RAB11FIP1: variants seen among roughly 807,000 people sequenced by gnomAD.
The protein encoded by RAB11FIP1 is RAB11 family interacting protein 1.
A neutral mutation model predicts 83.1 loss-of-function variants in RAB11FIP1; 49 were observed. The observed-to-expected ratio is 0.59, with a 90% CI of 0.47 to 0.75. The LOEUF (loss-of-function observed/expected upper bound fraction) is 0.75. Among genes scored for constraint, RAB11FIP1 ranks in the 30% least tolerant of loss-of-function variants. The pLI is 0.00. For synonymous variants in RAB11FIP1, 670 were observed against 656.0 expected, an observed-to-expected ratio of 1.02 and a Z score of -0.33; for missense variants, 1,536 against 1,598.7, an observed-to-expected ratio of 0.96 and a Z score of 0.67.
At position 37,873,159 on chromosome 8, in the gene RAB11FIP1, G is replaced by C. The variant is rs560847102; in HGVS notation, c.1643C>G (p.Ala548Gly). 2 of 1,601,218 alleles carry C rather than the reference G, an allele frequency of 1.2e-6. No homozygotes were observed. The highest frequency in any genetic ancestry group is 1.7e-5 in the Admixed American group (1 of 58,960). Residue 548 changes from alanine to glycine, a missense_variant, in exon 4 of 6, where the codon GCG becomes GGG. By Grantham distance (60) the Ala-to-Gly change is moderately conservative. Transcript: ENST00000330843. ...VKPRLEVSPE[A>G]QPTARLPSPT... ...GGAAGGAAGCCTGGCTGTGGGTTGCGCCTCTGGAGACACTTCCAGTCTGCA... is the reference window on the plus strand; with the variant it reads ...GGAAGGAAGCCTGGCTGTGGGTTGCCCCTCTGGAGACACTTCCAGTCTGCA...
intron 1 of RAB11FIP1, among the ~76,000 whole-genome samples, chr8:37,894,929 TTG>T (rs1347181605): frequency 6.7e-6 from 1 of 149,802 alleles, no homozygotes; most frequent in Non-Finnish European, 1.5e-5. Context: ...AGCTAATTTT[TTG>T]TGTTTTTAGT....
At position 37,877,247 on chromosome 8, in the gene RAB11FIP1, A is replaced by G; in HGVS notation, c.676T>C (p.Leu226=). Residue 226 remains leucine, a synonymous_variant, in exon 2 of 6, where the codon TTG becomes CTG. Transcript: ENST00000330843. ...KIKTLLSKSN[L]QKTPLSQSMS... is the part of the protein sequence containing the mutation. ...GACTGGGAAAGAGGCGTCTTCTGCAAATTTGACTTGGAAAGTAAGGTCTTG... is the reference window on the plus strand; with the variant it reads ...GACTGGGAAAGAGGCGTCTTCTGCAGATTTGACTTGGAAAGTAAGGTCTTG... 1 of 1,614,136 alleles carries G rather than the reference A, an allele frequency of 6.2e-7. No homozygotes were observed. Among genetic ancestry groups the G allele is most frequent in the South Asian group, 1.1e-5 (1 of 91,078 alleles).
chr8:37,894,291 CGTT>C (rs1322031821), intron 1 of RAB11FIP1, among the ~76,000 whole-genome samples: 1 of 152,096 alleles, frequency 6.6e-6, no homozygotes, highest in East Asian at 1.9e-4. Context: ...TCATCTATGT[CGTT>C]TTTCTGCATC....
chr8:37,886,627 A>AT (rs1806840445), intron 1 of RAB11FIP1, among the ~76,000 whole-genome samples: 1 of 152,224 alleles, frequency 6.6e-6, no homozygotes, highest in African/African-American at 2.4e-5. Flanking sequence ...AGCATGAGTC[A>AT]TCTCCACGTT....
chr8:37,872,705 T>G lies in RAB11FIP1; in HGVS notation c.2097A>C (p.Thr699=). ...LEESLPEQPE[T]GRQEEELPRF... is the part of the protein sequence containing the mutation. ...TCGGAAGTTCTTCCTCTTGTCGCCCTGTTTCAGGCTGCTCTGGGAGAGACT... is the reference window on the plus strand; with the variant it reads ...TCGGAAGTTCTTCCTCTTGTCGCCCGGTTTCAGGCTGCTCTGGGAGAGACT... The change falls in exon 4 of 6, where the codon ACA becomes ACC. Residue 699 remains threonine, a synonymous_variant. Coordinates refer to ENST00000330843, the MANE Select transcript of RAB11FIP1 (RefSeq NM_001002814.3). The G allele has an allele frequency of 6.2e-7, 1 of 1,614,220 alleles. No individual in the cohort carries two copies. Among genetic ancestry groups the G allele is most frequent in the Non-Finnish European group, 8.5e-7 (1 of 1,180,018 alleles).
chr8:37,880,741 G>A (rs1176717887), intron 1 of RAB11FIP1, among the ~76,000 whole-genome samples: 1 of 146,028 alleles, frequency 6.8e-6, no homozygotes, highest in East Asian at 2.0e-4. Flanking sequence ...TCCAGCCTGC[G>A]CAACAGAGTG....
At chr8:37,878,642 G>C (rs918083180) in intron 1 of RAB11FIP1, among the ~76,000 whole-genome samples, 3 of 149,964 alleles carry the variant, frequency 2.0e-5, no homozygotes, top group Non-Finnish European at 4.4e-5. Flanking sequence ...TTGTAGTAAG[G>C]AATGGTCCCT....
rs1806224491 is a variant in RAB11FIP1 at position 37,861,152 on chromosome 8, T to A, written c.*1743A>T. 1 of 153,150 alleles carries A rather than the reference T, an allele frequency of 6.5e-6. No individual in the cohort carries two copies. Among genetic ancestry groups the A allele is most frequent in the Admixed American group, 6.5e-5 (1 of 15,400 alleles). The allele number at this position is 153,150 out of a possible 1,614,324, so 9.5% of individuals were successfully genotyped here. On this transcript the variant is annotated 3_prime_UTR_variant, in exon 6 of 6. Coordinates refer to ENST00000330843, the MANE Select transcript of RAB11FIP1 (RefSeq NM_001002814.3). ...ACAAAATTACCTGAAAAATCTCAGC[T>A]GGTGCTTTTAGCTAAGAAGGAAGCA...
At chr8:37,870,328 C>A in intron 5 of RAB11FIP1, 92 bp downstream of exon 5, 1 of 678,214 alleles carries the variant, frequency 1.5e-6, no homozygotes, top group Non-Finnish European at 2.6e-6. Context: ...CCTGGCACCA[C>A]CGGCTGCCCA....
chr8:37,878,558 C>T (rs1806668538), intron 1 of RAB11FIP1, among the ~76,000 whole-genome samples: 3 of 117,046 alleles, frequency 2.6e-5, no homozygotes, highest in African/African-American at 1.0e-4. Flanking sequence ...AAAAAAAAAG[C>T]AAAGATCATA....
chr8:37,897,014 A>T (rs1423737251), intron 1 of RAB11FIP1, among the ~76,000 whole-genome samples: 3 of 152,176 alleles, frequency 2.0e-5, no homozygotes, highest in Non-Finnish European at 4.4e-5. Context: ...AACAGCACCC[A>T]TTTGAAGCTG....
intron 5 of RAB11FIP1, 105 bp from the exon 6 acceptor site, chr8:37,863,218 G>A: frequency 2.5e-6 from 2 of 805,328 alleles, no homozygotes; most frequent in South Asian, 1.7e-5. Context: ...AGTGATCTGG[G>A]TCTCTTGGGA....
intron 1 of RAB11FIP1, among the ~76,000 whole-genome samples, chr8:37,898,364 A>T (rs1807135480): frequency 6.6e-6 from 1 of 152,024 alleles, no homozygotes; most frequent in South Asian, 2.1e-4. Flanking sequence ...TACAAAAATT[A>T]GCCGGGCGGG....
intron 1 of RAB11FIP1, among the ~76,000 whole-genome samples, chr8:37,884,139 A>G (rs1368644003): frequency 1.3e-5 from 2 of 150,882 alleles, no homozygotes; most frequent in East Asian, 3.9e-4. Flanking sequence ...ATCTCAGCTC[A>G]CTGCAACCAC....
chr8:37,888,450 T>C (rs1026182619), intron 1 of RAB11FIP1, among the ~76,000 whole-genome samples: 1 of 151,964 alleles, frequency 6.6e-6, no homozygotes, highest in Non-Finnish European at 1.5e-5. Context: ...TAACAAACCA[T>C]GATCAGTGTG....
chr8:37,863,909 G>T (rs1806291022), intron 5 of RAB11FIP1, among the ~76,000 whole-genome samples: 1 of 152,066 alleles, frequency 6.6e-6, no homozygotes, highest in Admixed American at 6.6e-5. Context: ...AAGCCAGAGG[G>T]GGCCCAGGAA....
At chr8:37,896,905 A>T (rs771591024) in intron 1 of RAB11FIP1, among the ~76,000 whole-genome samples, 5 of 152,186 alleles carry the variant, frequency 3.3e-5, no homozygotes, top group Non-Finnish European at 5.9e-5. Flanking sequence ...GGGAGATGTG[A>T]TCTACCTCTC....
intron 1 of RAB11FIP1, among the ~76,000 whole-genome samples, chr8:37,881,149 T>C (rs1806727443): frequency 6.6e-6 from 1 of 152,218 alleles, no homozygotes; most frequent in Admixed American, 6.5e-5. Flanking sequence ...GACATCTTCA[T>C]TTCAGCCTCA....
intron 5 of RAB11FIP1, among the ~76,000 whole-genome samples, chr8:37,867,053 G>C (rs1282504149): frequency 1.3e-5 from 2 of 152,168 alleles, no homozygotes; most frequent in Non-Finnish European, 2.9e-5. Flanking sequence ...GCTTTGAAGA[G>C]GAAATAAAAT....
Sources: allele counts gnomAD v4.1 joint callset (sites outside exome capture counted in the v4.1 genomes callset), GRCh38; gene constraint gnomAD v4.1.1; transcripts MANE v1.5; gene names NCBI Gene and HGNC (gene_info 2026-07-23, HGNC 2026-07-21).